Variants in ZDHHC1 observed in about 807,000 individuals in gnomAD.
The protein encoded by ZDHHC1 is palmitoyltransferase ZDHHC1.
ZDHHC1 carries 45 observed loss-of-function variants against 46.9 expected under a neutral mutation model. The observed-to-expected ratio is 0.96, with a 90% CI of 0.76 to 1.23. The LOEUF (loss-of-function observed/expected upper bound fraction) is 1.23, where lower values mean the gene tolerates loss of function less well. Ranked by LOEUF, ZDHHC1 falls within the 50% of genes most tolerant of loss-of-function variation. The pLI, the probability that ZDHHC1 is intolerant of heterozygous loss-of-function variation, is 0.00. For missense variants in ZDHHC1, 649 were observed against 670.8 expected, an observed-to-expected ratio of 0.97 and a Z score of 0.36; for synonymous variants, 291 against 286.0, an observed-to-expected ratio of 1.02 and a Z score of -0.18.
chr16:67,413,391 G>C (rs1168521144), intron 1 of ZDHHC1, among the ~76,000 whole-genome samples: 4 of 152,182 alleles, frequency 2.6e-5, no homozygotes, highest in South Asian at 4.1e-4. Flanking sequence ...ACGGTACACA[G>C]ATTTTTACAC....
At chr16:67,409,304 C>T (rs939621061) in intron 1 of ZDHHC1, among the ~76,000 whole-genome samples, 4 of 151,206 alleles carry the variant, frequency 2.6e-5, no homozygotes, top group African/African-American at 9.9e-5. Context: ...AGGATACCCC[C>T]TGATACTCCA....
rs1340126620 is a variant in ZDHHC1 at position 67,398,536 on chromosome 16, C to T, written c.814+37G>A. ...GGGCACCTTCCTGCAATCTGAGGACCCCTGCGTTCCAGAAGGCAGGTGCAG... is the reference window on the plus strand; with the variant it reads ...GGGCACCTTCCTGCAATCTGAGGACTCCTGCGTTCCAGAAGGCAGGTGCAG... On this transcript the variant is annotated intron_variant, in intron 7 of 11. Transcript: ENST00000565726. 2.6e-6 allele frequency: 4 copies of T among 1,564,842 alleles called. No homozygotes were observed. In the Admixed American group the frequency reaches 5.6e-5, roughly 22 times the overall value.
At chr16:67,395,717 C>G in intron 8 of ZDHHC1, 151 bp from the exon 9 acceptor site, 2 of 762,290 alleles carry the variant, frequency 2.6e-6, no homozygotes, top group Non-Finnish European at 4.2e-6. Context: ...AAAACCCCAT[C>G]TGTAGGGTAA....
chr16:67,394,510 C>T lies in ZDHHC1; in HGVS notation c.*100G>A, dbSNP rs1036791237. 3.8e-6 allele frequency: 4 copies of T among 1,057,102 alleles called. No individual in the cohort carries two copies. Among genetic ancestry groups the T allele is most frequent in the Non-Finnish European group, 3.5e-6 (3 of 861,444 alleles). 65.5% of individuals were successfully genotyped at this position (1,057,102 alleles called of 1,614,324 possible). On this transcript the variant is annotated 3_prime_UTR_variant, in exon 12 of 12. Coordinates refer to ENST00000565726, the MANE Select transcript of ZDHHC1 (RefSeq NM_001323627.2). Reference sequence around the variant, plus strand: ...GGGGAGGGAGGCCGATCCCGCCGGCCGTAGGGGCCCCTAAAGTGCACTCGG... The same window carrying T: ...GGGGAGGGAGGCCGATCCCGCCGGCTGTAGGGGCCCCTAAAGTGCACTCGG...
Position 67,399,370 on chromosome 16 carries a change from C to T in ZDHHC1, c.515G>A (p.Gly172Asp), listed in dbSNP as rs777364172. The T allele has an allele frequency of 1.1e-5, 17 of 1,612,952 alleles. No individual in the cohort carries two copies. The Admixed American group carries it at 2.7e-4, about 25-fold the overall frequency. ...HHCKWLNNCV[G>D]ERNYRLFLHS... Reference sequence around the variant, plus strand: ...CTGTCCTCACCGGTAGTTCCGCTCGCCCACACAGTTGTTGAGCCACTTGCA... The same window carrying T: ...CTGTCCTCACCGGTAGTTCCGCTCGTCCACACAGTTGTTGAGCCACTTGCA... Residue 172 changes from glycine to aspartate, a missense_variant, in exon 5 of 12, where the codon GGC becomes GAC. Gly to Asp is a moderately conservative substitution (Grantham distance 94). Coordinates refer to ENST00000565726, the MANE Select transcript of ZDHHC1 (RefSeq NM_001323627.2).
intron 3 of ZDHHC1, among the ~76,000 whole-genome samples, chr16:67,405,845 T>A (rs2040644664): frequency 6.6e-6 from 1 of 152,236 alleles, no homozygotes. Flanking sequence ...GATGGACTAA[T>A]TACTCCCTAC....
intron 8 of ZDHHC1, chr16:67,395,865 G>A: frequency 1.5e-5 from 6 of 406,344 alleles, no homozygotes; most frequent in East Asian, 4.7e-5. Flanking sequence ...CCAGGGAGTG[G>A]TGGGAAGCTC....
chr16:67,398,415 A>C, intron 7 of ZDHHC1, 91 bp from the exon 8 acceptor site: 1 of 1,523,690 alleles, frequency 6.6e-7, no homozygotes, highest in Non-Finnish European at 8.9e-7. Context: ...GGCTGAAACC[A>C]GTGTCCCCAA....
chr16:67,405,081 C>T (rs965891277), intron 3 of ZDHHC1, among the ~76,000 whole-genome samples: 2 of 152,172 alleles, frequency 1.3e-5, no homozygotes, highest in African/African-American at 4.8e-5. Flanking sequence ...AGCTGATGAC[C>T]AGACCCTGGG....
chr16:67,402,581 CAAG>C (rs2040572532), intron 3 of ZDHHC1, among the ~76,000 whole-genome samples: 1 of 151,986 alleles, frequency 6.6e-6, no homozygotes, highest in Admixed American at 6.6e-5. Flanking sequence ...ACGGCAGGGG[CAAG>C]AGTCCCTAGC....
chr16:67,407,455 AG>A (rs1251604808), intron 2 of ZDHHC1, among the ~76,000 whole-genome samples: 1 of 152,222 alleles, frequency 6.6e-6, no homozygotes, highest in Non-Finnish European at 1.5e-5. Context: ...CTAAGCAGAA[AG>A]GGTGCCGCAG....
chr16:67,396,682 C>A (rs903065800), intron 8 of ZDHHC1, among the ~76,000 whole-genome samples: 2 of 152,168 alleles, frequency 1.3e-5, no homozygotes, highest in African/African-American at 2.4e-5. Context: ...GGGGCGCCAG[C>A]CTGGGCCGAG....
Position 67,398,872 on chromosome 16 carries a change from G to A in ZDHHC1, c.603C>T (p.Phe201=), listed in dbSNP as rs774844883. 5.0e-6 allele frequency: 8 copies of A among 1,613,270 alleles called. No homozygotes were observed. The East Asian group carries it at 8.9e-5, about 18-fold the overall frequency. Residue 201 remains phenylalanine, a synonymous_variant, in exon 6 of 12, where the codon TTC becomes TTT. Coordinates refer to ENST00000565726, the MANE Select transcript of ZDHHC1 (RefSeq NM_001323627.2). ...GCATGGGGTTGACAAAGAACTCCAC[G>A]AAGACATATGTGGCCACCAGCACCA... ...LLLVLVATYV[F]VEFFVNPMRL... is the part of the protein sequence containing the mutation.
intron 3 of ZDHHC1, chr16:67,404,673 G>A (rs1213202033): frequency 1.8e-5 from 8 of 454,948 alleles, no homozygotes; most frequent in African/African-American, 4.0e-5. Context: ...CTGGGTGCCC[G>A]CTATGTGATC....
At chr16:67,399,478 C>T in intron 4 of ZDHHC1, 22 bp from the exon 5 acceptor site, 2 of 1,590,196 alleles carry the variant, frequency 1.3e-6, no homozygotes, top group Non-Finnish European at 1.7e-6. Context: ...GGGGGCACAG[C>T]GCGATTGGCC....
chr16:67,400,544 C>A (rs1238412110), intron 4 of ZDHHC1, among the ~76,000 whole-genome samples: 1 of 152,210 alleles, frequency 6.6e-6, no homozygotes, highest in African/African-American at 2.4e-5. Flanking sequence ...GGCCTATCAG[C>A]CTTTCTAAGC....
chr16:67,398,062 G>T, intron 8 of ZDHHC1, 150 bp downstream of exon 8: 1 of 747,642 alleles, frequency 1.3e-6, no homozygotes, highest in Non-Finnish European at 2.2e-6. Flanking sequence ...GCTTGGGCGA[G>T]CAGGCACACG....
chr16:67,412,469 TG>T (rs1597551155), intron 1 of ZDHHC1, among the ~76,000 whole-genome samples: 1 of 109,514 alleles, frequency 9.1e-6, no homozygotes, highest in East Asian at 1.9e-4. Context: ...AAAGAATTCC[TG>T]CCTAACAAGG....
At chr16:67,411,199 T>C (rs2040743194) in intron 1 of ZDHHC1, among the ~76,000 whole-genome samples, 3 of 152,166 alleles carry the variant, frequency 2.0e-5, no homozygotes, top group Admixed American at 6.5e-5. Flanking sequence ...CGGGCATCCC[T>C]GGATTCCTGC....
Sources: gnomAD v4.1 joint callset for allele counts (sites outside exome capture counted in the v4.1 genomes callset) on GRCh38, gnomAD v4.1.1 for gene constraint, MANE v1.5 for transcripts, NCBI Gene and HGNC (gene_info 2026-07-23, HGNC 2026-07-21) for gene names.